Variants in SAMTOR observed in about 807,000 individuals in gnomAD.
SAMTOR encodes the protein UPF0532 protein C7orf60.
chr7:112,924,768 C>T, the SAMTOR span, among the ~76,000 whole-genome samples: 1 of 151,914 alleles, frequency 6.6e-6, no homozygotes, highest in Non-Finnish European at 1.5e-5. Flanking sequence ...CGAGTTCAAT[C>T]ATGTTAAATC....
the SAMTOR span, among the ~76,000 whole-genome samples, chr7:112,887,330 C>T: frequency 1.3e-5 from 2 of 151,026 alleles, no homozygotes; most frequent in African/African-American, 4.9e-5. Context: ...ACTTAACCCC[C>T]AAATACAGAT....
At chr7:112,860,737 A>G in the SAMTOR span, among the ~76,000 whole-genome samples, 1,614 of 151,904 alleles carry the variant, frequency 0.011, 30 homozygotes, top group African/African-American at 0.037. Context: ...GTGAAACCCC[A>G]TCTCTACTAA....
the SAMTOR span, among the ~76,000 whole-genome samples, chr7:112,917,233 C>T: frequency 7.9e-5 from 12 of 152,132 alleles, no homozygotes; most frequent in Admixed American, 1.3e-4. Flanking sequence ...CTCACACGGC[C>T]GGGTACTCCT....
the SAMTOR span, among the ~76,000 whole-genome samples, chr7:112,824,753 A>G: frequency 6.6e-6 from 1 of 152,150 alleles, no homozygotes; most frequent in Non-Finnish European, 1.5e-5. Context: ...TGTGGAAAAG[A>G]CTATGCTTTC....
chr7:112,878,132 TAACACA>T, the SAMTOR span, among the ~76,000 whole-genome samples: 2 of 152,182 alleles, frequency 1.3e-5, no homozygotes, highest in Non-Finnish European at 2.9e-5. Flanking sequence ...TTTCATCATG[TAACACA>T]AACACAATTA....
chr7:112,897,898 C>T, the SAMTOR span, among the ~76,000 whole-genome samples: 1 of 152,136 alleles, frequency 6.6e-6, no homozygotes, highest in African/African-American at 2.4e-5. Flanking sequence ...AGAAAAGATG[C>T]ATTGAAGATG....
chr7:112,899,514 T>G, the SAMTOR span, among the ~76,000 whole-genome samples: 1 of 152,230 alleles, frequency 6.6e-6, no homozygotes, highest in Admixed American at 6.5e-5. Context: ...GAACGTTTAT[T>G]CAAAGGAATA....
At chr7:112,839,993 AT>A in the SAMTOR span, among the ~76,000 whole-genome samples, 149 of 151,866 alleles carry the variant, frequency 9.8e-4, no homozygotes, top group Non-Finnish European at 8.7e-4. Context: ...TAATTGGAAT[AT>A]TTTGATCTGT....
the SAMTOR span, among the ~76,000 whole-genome samples, chr7:112,910,557 A>G: frequency 6.6e-6 from 1 of 152,316 alleles, no homozygotes; most frequent in African/African-American, 2.4e-5. Flanking sequence ...TTACTTAATT[A>G]TAAAGGGATA....
At chr7:112,819,732 T>C in the SAMTOR span, 62 of 152,544 alleles carry the variant, frequency 4.1e-4, no homozygotes, top group Non-Finnish European at 3.7e-4. Context: ...TCAGAATTTA[T>C]AGCACCAACA....
At chr7:112,850,162 T>C in the SAMTOR span, among the ~76,000 whole-genome samples, 92 of 152,078 alleles carry the variant, frequency 6.0e-4, no homozygotes, top group African/African-American at 2.1e-3. Flanking sequence ...TATTGCGCCA[T>C]TGCACTCCAG....
At chr7:112,831,152 A>T in the SAMTOR span, among the ~76,000 whole-genome samples, 1 of 152,212 alleles carries the variant, frequency 6.6e-6, no homozygotes, top group Non-Finnish European at 1.5e-5. Context: ...TAAAAATAAC[A>T]TTAAAATGCA....
chr7:112,825,449 G>T, the SAMTOR span, among the ~76,000 whole-genome samples: 5 of 152,074 alleles, frequency 3.3e-5, no homozygotes, highest in African/African-American at 9.7e-5. Context: ...TCATATTTTT[G>T]ATGCCAGAGT....
the SAMTOR span, among the ~76,000 whole-genome samples, chr7:112,931,373 C>T: frequency 6.6e-6 from 1 of 151,560 alleles, no homozygotes; most frequent in East Asian, 1.9e-4. Flanking sequence ...CACTGGCTCA[C>T]GGTGTATCTT....
At chr7:112,872,493 C>G in the SAMTOR span, among the ~76,000 whole-genome samples, 1 of 152,094 alleles carries the variant, frequency 6.6e-6, no homozygotes, top group Non-Finnish European at 1.5e-5. Context: ...CCACCGATGA[C>G]AAACCCACAT....
the SAMTOR span, among the ~76,000 whole-genome samples, chr7:112,857,151 G>C: frequency 2.7e-5 from 4 of 145,976 alleles, no homozygotes; most frequent in Non-Finnish European, 4.4e-5. Context: ...GACTGCAGTG[G>C]CGCAATCTCG....
At chr7:112,834,396 A>C in the SAMTOR span, among the ~76,000 whole-genome samples, 1 of 139,994 alleles carries the variant, frequency 7.1e-6, no homozygotes, top group Non-Finnish European at 1.6e-5. Context: ...TTTTTTTTTC[A>C]ATTTCATTTT....
the SAMTOR span, chr7:112,832,510 T>C: frequency 4.8e-6 from 5 of 1,043,636 alleles, no homozygotes; most frequent in East Asian, 9.6e-5. Flanking sequence ...TGCTTTTCTT[T>C]TGTAAATATA....
chr7:112,833,393 T>C, the SAMTOR span, among the ~76,000 whole-genome samples: 3 of 152,318 alleles, frequency 2.0e-5, no homozygotes, highest in African/African-American at 4.8e-5. Context: ...ACGGGGATAA[T>C]AGTGGTATTT....
Sources: gnomAD v4.1 joint callset for allele counts (sites outside exome capture counted in the v4.1 genomes callset) on GRCh38, gnomAD v4.1.1 for gene constraint, MANE v1.5 for transcripts, NCBI Gene and HGNC (gene_info 2026-07-23, HGNC 2026-07-21) for gene names.